KLF8: variants seen among roughly 807,000 people sequenced by gnomAD.
KLF8 encodes the protein KLF transcription factor 8, also known as Krueppel-like factor 8.
KLF8 carries 10 observed loss-of-function variants against 18.2 expected under a neutral mutation model. That is an observed-to-expected ratio of 0.55 (90% confidence interval 0.34 to 0.93). The LOEUF (loss-of-function observed/expected upper bound fraction) is 0.93. Among genes scored for constraint, KLF8 ranks in the 40% least tolerant of loss-of-function variants. The pLI is 0.02. For synonymous variants in KLF8, 109 were observed against 97.3 expected (o/e 1.12, Z -0.71); for missense variants, 264 against 277.9 (o/e 0.95, Z 0.36).
intron 1 of KLF8, chrX:56,243,252 G>A: frequency 2.3e-6 from 1 of 444,274 alleles, no homozygotes; most frequent in Non-Finnish European, 4.2e-6. Flanking sequence ...CAGAGTCGCA[G>A]TGACTTGGGC....
At chrX:56,193,632 G>T in the KLF8 span, among the ~76,000 whole-genome samples, 7 of 112,036 alleles carry the variant, frequency 6.2e-5, no homozygotes, top group African/African-American at 2.3e-4. Flanking sequence ...GTATTATTTA[G>T]CCATAAAAAA....
chrX:56,042,672 C>G, the KLF8 span, among the ~76,000 whole-genome samples: 1 of 111,760 alleles, frequency 8.9e-6, no homozygotes, highest in African/African-American at 3.3e-5. Context: ...CTGTTGTTTT[C>G]TGTTTTTCAT....
chrX:56,113,962 GGACT>G, the KLF8 span, among the ~76,000 whole-genome samples: 7 of 111,780 alleles, frequency 6.3e-5, no homozygotes, highest in Non-Finnish European at 1.1e-4. Flanking sequence ...GCTAGCAGGG[GGACT>G]GACTAAGTCC....
chrX:56,072,193 G>A, the KLF8 span, among the ~76,000 whole-genome samples: 9 of 111,812 alleles, frequency 8.0e-5, no homozygotes, highest in Non-Finnish European at 1.7e-4. Flanking sequence ...TTAAATAACA[G>A]TACCAGAGAA....
chrX:56,263,226 T>C (rs1457121251), intron 2 of KLF8, among the ~76,000 whole-genome samples: 1 of 111,333 alleles, frequency 9.0e-6, no homozygotes, highest in Non-Finnish European at 1.9e-5. Context: ...ATGGGTCAAA[T>C]CCACCCATGA....
At chrX:56,105,832 G>T in the KLF8 span, among the ~76,000 whole-genome samples, 1 of 111,367 alleles carries the variant, frequency 9.0e-6, no homozygotes, top group Non-Finnish European at 1.9e-5. Context: ...TTACAATTTG[G>T]CATGCTTTTG....
At chrX:56,082,250 G>C in the KLF8 span, among the ~76,000 whole-genome samples, 3 of 111,414 alleles carry the variant, frequency 2.7e-5, no homozygotes, top group Admixed American at 9.5e-5. Context: ...ACAATTGTTT[G>C]TATTATCCAC....
chrX:56,274,045 G>A (rs2067090487), intron 5 of KLF8, among the ~76,000 whole-genome samples: 1 of 111,816 alleles, frequency 8.9e-6, no homozygotes, highest in Admixed American at 9.5e-5. Flanking sequence ...AACCAGCAGT[G>A]GGATTACTGG....
the KLF8 span, among the ~76,000 whole-genome samples, chrX:56,145,115 A>G: frequency 9.0e-6 from 1 of 111,464 alleles, no homozygotes; most frequent in African/African-American, 3.3e-5. Flanking sequence ...GAACTTTTAA[A>G]AACTCAACAA....
chrX:56,054,173 C>A, the KLF8 span, among the ~76,000 whole-genome samples: 27 of 110,011 alleles, frequency 2.5e-4, no homozygotes, highest in Admixed American at 1.6e-3. Flanking sequence ...TCTCTGTCGC[C>A]CAGGCTGGAG....
At chrX:56,152,432 T>C in the KLF8 span, among the ~76,000 whole-genome samples, 12 of 111,194 alleles carry the variant, frequency 1.1e-4, no homozygotes, top group African/African-American at 3.6e-4. Flanking sequence ...TACCAGAAGA[T>C]AGTGACTTCT....
At chrX:55,909,493 C>T in the KLF8 span, among the ~76,000 whole-genome samples, 1 of 112,773 alleles carries the variant, frequency 8.9e-6, no homozygotes, top group African/African-American at 3.2e-5. Flanking sequence ...TGGCTGATCA[C>T]ACTGCTGGGA....
chrX:56,271,524 T>C (rs761039880), intron 5 of KLF8, among the ~76,000 whole-genome samples: 186 of 111,422 alleles, frequency 1.7e-3, no homozygotes, highest in Middle Eastern at 9.2e-3. Flanking sequence ...CCTCCTTTCT[T>C]GTAAACATCT....
At chrX:55,987,791 G>A in the KLF8 span, among the ~76,000 whole-genome samples, 2 of 112,055 alleles carry the variant, frequency 1.8e-5, no homozygotes, top group Admixed American at 1.9e-4. Flanking sequence ...CTTCCACAAT[G>A]GTTGAACTAG....
At chrX:55,982,581 T>C in the KLF8 span, among the ~76,000 whole-genome samples, 1 of 111,779 alleles carries the variant, frequency 8.9e-6, no homozygotes, top group African/African-American at 3.3e-5. Flanking sequence ...GCATAGCTAT[T>C]AAAATGGTTA....
At chrX:56,039,884 G>A in the KLF8 span, among the ~76,000 whole-genome samples, 2 of 111,512 alleles carry the variant, frequency 1.8e-5, no homozygotes, top group African/African-American at 3.3e-5. Flanking sequence ...ATTTGTTTGT[G>A]TCCTCTCTGA....
chrX:56,059,749 T>C, the KLF8 span, among the ~76,000 whole-genome samples: 1 of 111,961 alleles, frequency 8.9e-6, no homozygotes, highest in African/African-American at 3.2e-5. Context: ...CTGTTTTGTT[T>C]ACTGTAGCCT....
chrX:56,030,213 T>A, the KLF8 span, among the ~76,000 whole-genome samples: 2 of 111,450 alleles, frequency 1.8e-5, no homozygotes, highest in African/African-American at 6.5e-5. Flanking sequence ...AATTAATGCC[T>A]CCTGGTATTG....
chrX:56,266,249 C>A (rs1011571326), intron 3 of KLF8: 15 of 751,945 alleles, frequency 2.0e-5, no homozygotes, highest in Non-Finnish European at 2.4e-5. Flanking sequence ...TAGCTCCTGC[C>A]TCTACCAATA....
Sources: gnomAD v4.1 joint callset for allele counts (sites outside exome capture counted in the v4.1 genomes callset) on GRCh38, gnomAD v4.1.1 for gene constraint, MANE v1.5 for transcripts, NCBI Gene and HGNC (gene_info 2026-07-23, HGNC 2026-07-21) for gene names.